The following MCMDC2 variants were observed in gnomAD, a reference collection of about 807,000 sequenced individuals.
MCMDC2 encodes minichromosome maintenance domain-containing protein 2.
In MCMDC2, 54 loss-of-function variants were observed where a neutral mutation model predicts 75.8. That is an observed-to-expected ratio of 0.71 (90% CI 0.57 to 0.89). MCMDC2 has a LOEUF of 0.89. Among genes scored for constraint, MCMDC2 ranks in the 40% least tolerant of loss-of-function variants. MCMDC2 has a pLI of 0.00. For missense variants in MCMDC2, 656 were observed against 780.4 expected, an observed-to-expected ratio of 0.84 and a Z score of 1.90; for synonymous variants, 249 against 274.6, an observed-to-expected ratio of 0.91 and a Z score of 0.92.
intron 14 of MCMDC2, among the ~76,000 whole-genome samples, chr8:66,914,753 T>G (rs1283335449): frequency 1.3e-5 from 2 of 152,198 alleles, no homozygotes; most frequent in Non-Finnish European, 2.9e-5. Context: ...CCAGTTGTTG[T>G]AGTCCAGTTA....
At chr8:66,898,573 G>A (rs772169933) in intron 12 of MCMDC2, among the ~76,000 whole-genome samples, 5 of 148,302 alleles carry the variant, frequency 3.4e-5, no homozygotes, top group Non-Finnish European at 7.4e-5. Flanking sequence ...GAGGTGAGCC[G>A]AGATTGCGCC....
intron 10 of MCMDC2, among the ~76,000 whole-genome samples, chr8:66,894,154 T>G (rs571242091): frequency 2.1e-3 from 327 of 152,332 alleles, no homozygotes; most frequent in African/African-American, 7.7e-3. Context: ...CTCCCATGTG[T>G]CATGGGTGCA....
Position 66,883,795 on chromosome 8 carries a change from T to C in MCMDC2, c.874T>C (p.Ser292Pro), listed in dbSNP as rs1162673708. 6.2e-7 allele frequency: 1 copy of C among 1,613,256 alleles called. No homozygotes were observed. Among genetic ancestry groups the C allele is most frequent in the South Asian group, 1.1e-5 (1 of 91,036 alleles). Residue 292 changes from serine to proline, a missense_variant, in exon 9 of 15, where the codon TCC becomes CCC. Physicochemically the swap from Ser to Pro is moderately conservative, Grantham distance 74. Transcript: ENST00000422365. ...GISDNFRCLL[S>P]LTSSSCWKFT... ...TAGTGACAACTTCAGGTGTCTCCTC[T>C]CCTTAACTTCCAGCTCATGCTGGAA...
chr8:66,900,714 C>T (rs950125750), intron 12 of MCMDC2, among the ~76,000 whole-genome samples: 5 of 152,192 alleles, frequency 3.3e-5, no homozygotes, highest in African/African-American at 1.2e-4. Flanking sequence ...GAATTATTCT[C>T]TACCCAAATC....
chr8:66,882,618 C>T (rs972580305), intron 8 of MCMDC2, among the ~76,000 whole-genome samples: 1 of 152,146 alleles, frequency 6.6e-6, no homozygotes, highest in Non-Finnish European at 1.5e-5. Flanking sequence ...CCCACCTTGG[C>T]CTTCCAAAGT....
intron 9 of MCMDC2, among the ~76,000 whole-genome samples, chr8:66,887,384 CA>C (rs1334744459): frequency 0.18 from 15,654 of 84,678 alleles, 1,482 homozygotes; most frequent in African/African-American, 0.35. Context: ...ACTAAAAATA[CA>C]AAAAAAAAAA....
At chr8:66,901,679 C>G in intron 13 of MCMDC2, 1 of 1,017,330 alleles carries the variant, frequency 9.8e-7, no homozygotes, top group South Asian at 3.9e-5. Context: ...CACCTGTAAT[C>G]CCAGCACTTT....
intron 14 of MCMDC2, among the ~76,000 whole-genome samples, chr8:66,910,276 G>A (rs1813050906): frequency 1.3e-5 from 2 of 152,224 alleles, no homozygotes; most frequent in African/African-American, 4.8e-5. Context: ...ACTCCCTAGT[G>A]TAGCTGTGAG....
At chr8:66,895,738 G>C (rs1812322784) in intron 10 of MCMDC2, among the ~76,000 whole-genome samples, 1 of 152,070 alleles carries the variant, frequency 6.6e-6, no homozygotes, top group Non-Finnish European at 1.5e-5. Context: ...TGTTGAATTT[G>C]AGATATATTT....
intron 14 of MCMDC2, among the ~76,000 whole-genome samples, chr8:66,918,630 G>C (rs529381674): frequency 6.6e-6 from 1 of 152,110 alleles, no homozygotes; most frequent in African/African-American, 2.4e-5. Context: ...CCCTACTCCT[G>C]TCACCTCCTC....
At chr8:66,915,271 G>A (rs927258059) in intron 14 of MCMDC2, among the ~76,000 whole-genome samples, 2 of 151,978 alleles carry the variant, frequency 1.3e-5, no homozygotes, top group African/African-American at 4.8e-5. Context: ...GGCCAACATG[G>A]TGAAACCCTG....
At chr8:66,879,426 C>G (rs1014263716) in intron 7 of MCMDC2, among the ~76,000 whole-genome samples, 2 of 152,086 alleles carry the variant, frequency 1.3e-5, no homozygotes, top group Non-Finnish European at 2.9e-5. Flanking sequence ...AATCCCATCT[C>G]TACTAAAAAT....
In MCMDC2 at chr8:66,897,894, A is replaced by G. The variant is rs1443026194; in HGVS notation, c.1626+935A>G. ...AGTAGAGTTCACCTGTCTGGGTATG[A>G]TAGATAAAAGGCAGGGAATATCAGA... On this transcript the variant is annotated intron_variant, in intron 12 of 14. Transcript: ENST00000422365. 7.2e-5 allele frequency among the ~76,000 whole-genome samples: 11 copies of G among 152,204 alleles called. No individual in the cohort carries two copies. The East Asian group carries it at 2.1e-3, about 29-fold the overall frequency.
chr8:66,903,118 C>G (rs1812773440), intron 13 of MCMDC2, among the ~76,000 whole-genome samples: 1 of 141,066 alleles, frequency 7.1e-6, no homozygotes, highest in Admixed American at 7.1e-5. Context: ...GTGAAACTGT[C>G]TCAAAAAAAA....
downstream of MCMDC2, among the ~76,000 whole-genome samples, chr8:66,923,931 C>G (rs1315197822): frequency 6.6e-6 from 1 of 152,074 alleles, no homozygotes; most frequent in Non-Finnish European, 1.5e-5. Flanking sequence ...CACACCACCC[C>G]CCTCCCCCAC....
At chr8:66,899,679 G>A (rs555869377) in intron 12 of MCMDC2, among the ~76,000 whole-genome samples, 6 of 151,568 alleles carry the variant, frequency 4.0e-5, no homozygotes, top group Admixed American at 2.0e-4. Flanking sequence ...TGTATTTTTA[G>A]TAGAGACAGG....
chr8:66,890,761 G>A lies in MCMDC2; in HGVS notation c.1074-104G>A. 1.1e-5 allele frequency: 10 copies of A among 911,246 alleles called. No homozygotes were observed. In the South Asian group the frequency reaches 1.5e-4, roughly 14 times the overall value. 56.4% of individuals were successfully genotyped at this position (911,246 alleles called of 1,614,324 possible). On this transcript the variant is annotated intron_variant, in intron 9 of 14. Transcript: ENST00000422365. ...ATTTTTATCCCTAGCACAATAGCTG[G>A]TGTATCACAGGTGCTCAGTAAACAC...
chr8:66,895,072 C>G (rs2130831932), intron 10 of MCMDC2, among the ~76,000 whole-genome samples: 1 of 152,286 alleles, frequency 6.6e-6, no homozygotes, highest in Non-Finnish European at 1.5e-5. Context: ...GCTCAAGTCC[C>G]TTATATAAAA....
intron 13 of MCMDC2, among the ~76,000 whole-genome samples, chr8:66,904,417 A>C (rs1812827108): frequency 6.6e-6 from 1 of 152,190 alleles, no homozygotes. Flanking sequence ...AATTGCAGTG[A>C]AACTAATTTT....
Sources: gnomAD v4.1 joint callset for allele counts (sites outside exome capture counted in the v4.1 genomes callset) on GRCh38, gnomAD v4.1.1 for gene constraint, MANE v1.5 for transcripts, NCBI Gene and HGNC (gene_info 2026-07-23, HGNC 2026-07-21) for gene names.